The following TBC1D2 variants were observed in gnomAD, a reference collection of about 807,000 sequenced individuals.
The protein encoded by TBC1D2 is TBC1 domain family member 2A.
TBC1D2 carries 58 observed loss-of-function variants against 91.1 expected under a neutral mutation model. The observed-to-expected ratio is 0.64, with a 90% confidence interval of 0.52 to 0.79. TBC1D2 has a LOEUF of 0.79. Among genes scored for constraint, TBC1D2 ranks in the 30% least tolerant of loss-of-function variants. The pLI, the probability that TBC1D2 is intolerant of heterozygous loss-of-function variation, is 0.00. For synonymous variants in TBC1D2, 482 were observed against 511.5 expected, an observed-to-expected ratio of 0.94 and a Z score of 0.78; for missense variants, 1,080 against 1,208.3, an observed-to-expected ratio of 0.89 and a Z score of 1.57.
chr9:98,203,088 C>T (rs978277044), intron 10 of TBC1D2, among the ~76,000 whole-genome samples, 200 bp downstream of exon 10: 2 of 152,276 alleles, frequency 1.3e-5, no homozygotes, highest in African/African-American at 2.4e-5. Context: ...TTGTCATTCA[C>T]TATCTGAGAA....
chr9:98,251,257 C>T (rs1263909542), intron 2 of TBC1D2, among the ~76,000 whole-genome samples: 1 of 151,912 alleles, frequency 6.6e-6, no homozygotes, highest in African/African-American at 2.4e-5. Flanking sequence ...CACCATTGCA[C>T]TCCAGCCTGG....
chr9:98,247,503 T>C (rs1441379358), intron 2 of TBC1D2, among the ~76,000 whole-genome samples: 5 of 151,860 alleles, frequency 3.3e-5, no homozygotes, highest in Non-Finnish European at 7.4e-5. Flanking sequence ...CGGAGGTGGG[T>C]GGAGCACGAG....
At chr9:98,229,799 C>T (rs1396104129) in intron 4 of TBC1D2, among the ~76,000 whole-genome samples, 4 of 152,198 alleles carry the variant, frequency 2.6e-5, no homozygotes, top group Admixed American at 2.6e-4. Flanking sequence ...CAGCCCACAG[C>T]CTGCTTTTAC....
chr9:98,244,203 G>A, intron 2 of TBC1D2, 74 bp from the exon 3 acceptor site: 9 of 1,575,260 alleles, frequency 5.7e-6, no homozygotes, highest in Non-Finnish European at 7.8e-6. Flanking sequence ...GGGATGCTAT[G>A]GGTGCAGCCC....
intron 8 of TBC1D2, among the ~76,000 whole-genome samples, chr9:98,210,218 C>G (rs1010814397): frequency 6.6e-6 from 1 of 152,174 alleles, no homozygotes; most frequent in Non-Finnish European, 1.5e-5. Context: ...CTCCAAAGCT[C>G]GAGCTCCTGC....
intron 3 of TBC1D2, among the ~76,000 whole-genome samples, chr9:98,238,640 G>A (rs773350964): frequency 7.3e-6 from 1 of 137,372 alleles, no homozygotes; most frequent in Non-Finnish European, 1.5e-5. Context: ...ATTTTAAGGG[G>A]AAAATATTCA....
At chr9:98,208,354 T>TG (rs575028267) in intron 9 of TBC1D2, among the ~76,000 whole-genome samples, 72 of 152,176 alleles carry the variant, frequency 4.7e-4, no homozygotes, top group African/African-American at 1.7e-3. Context: ...TTCCATGGAC[T>TG]GGGGTAGGGG....
intron 5 of TBC1D2, among the ~76,000 whole-genome samples, chr9:98,227,286 T>C (rs1386846580): frequency 6.6e-6 from 1 of 152,308 alleles, no homozygotes; most frequent in African/African-American, 2.4e-5. Flanking sequence ...AAATGCAAGC[T>C]GTAAGGGCAG....
intron 3 of TBC1D2, among the ~76,000 whole-genome samples, chr9:98,239,394 G>C (rs1829584048): frequency 1.3e-5 from 2 of 152,192 alleles, no homozygotes; most frequent in Admixed American, 6.5e-5. Flanking sequence ...AAGAGATGTT[G>C]AATATTGTCA....
At chr9:98,217,138 C>T (rs3739663) in intron 6 of TBC1D2, among the ~76,000 whole-genome samples, 2 of 152,316 alleles carry the variant, frequency 1.3e-5, no homozygotes, top group East Asian at 3.9e-4. Context: ...TGGGTGGCGT[C>T]GGGCAGTACC....
At chr9:98,211,173 T>C (rs531701678) in intron 7 of TBC1D2, among the ~76,000 whole-genome samples, 1 of 152,360 alleles carries the variant, frequency 6.6e-6, no homozygotes, top group African/African-American at 2.4e-5. Flanking sequence ...TTACTTAACC[T>C]TTCTGTGCCT....
At chr9:98,201,279 G>T (rs1828490544) in intron 11 of TBC1D2, among the ~76,000 whole-genome samples, 200 bp downstream of exon 11, 1 of 152,188 alleles carries the variant, frequency 6.6e-6, no homozygotes, top group South Asian at 2.1e-4. Context: ...TCCACGGAAA[G>T]GAAATCCCCC....
chr9:98,234,631 C>T (rs1244394443), intron 3 of TBC1D2: 1 of 152,178 alleles, frequency 6.6e-6, no homozygotes, highest in Non-Finnish European at 1.5e-5. Flanking sequence ...GTGGTCCAGA[C>T]CAAGGCTGGC....
intron 4 of TBC1D2, 119 bp from the exon 5 acceptor site, chr9:98,229,267 C>T (rs777032203): frequency 7.7e-6 from 7 of 907,152 alleles, no homozygotes; most frequent in South Asian, 3.4e-5. Context: ...GCCCTAATTT[C>T]GGAGCTCTGG....
Position 98,237,626 on chromosome 9 carries a change from C to A in TBC1D2, c.648-4077G>T, listed in dbSNP as rs893672251. Among the ~76,000 whole-genome samples the A allele has an allele frequency of 6.6e-5, 10 of 151,638 alleles. 1 individual carries two copies. Among genetic ancestry groups the A allele is most frequent in the African/African-American group, 2.2e-4 (9 of 41,394 alleles). Reference sequence around the variant, plus strand: ...GATTCAAGCGATTCTCCTGCCTCAGCCTCCTGAGTAGCTGGGATTACAGGC... The same window carrying A: ...GATTCAAGCGATTCTCCTGCCTCAGACTCCTGAGTAGCTGGGATTACAGGC... On this transcript the variant is annotated intron_variant, in intron 3 of 12. Coordinates refer to ENST00000465784, the MANE Select transcript of TBC1D2 (RefSeq NM_001267571.2).
intron 3 of TBC1D2, chr9:98,234,986 A>T (rs998799747): frequency 3.0e-5 from 5 of 164,124 alleles, no homozygotes; most frequent in African/African-American, 1.2e-4. Context: ...TGGGTGGCTC[A>T]CGAGGTCAGG....
rs574202141 is a variant in TBC1D2 at position 98,210,792 on chromosome 9, C to T, written c.1537G>A (p.Gly513Ser). The T allele has an allele frequency of 2.3e-5, 35 of 1,554,662 alleles. No homozygotes were observed. The highest frequency in any genetic ancestry group is 4.9e-5 in the East Asian group (2 of 41,062). ...AGGGCCTCCTGCAGCCTTCTCAGACCGGCCAGGTACTTGCTTTCCACCTGG... is the reference window on the plus strand; with the variant it reads ...AGGGCCTCCTGCAGCCTTCTCAGACTGGCCAGGTACTTGCTTTCCACCTGG... ...NCQVESKYLA[G>S]LRRLQEALGD... The change falls in exon 8 of 13, where the codon GGT becomes AGT. Residue 513 changes from glycine (G) to serine (S), a missense_variant. Coordinates refer to ENST00000465784, the MANE Select transcript of TBC1D2 (RefSeq NM_001267571.2).
At chr9:98,242,485 C>T (rs556367196) in intron 3 of TBC1D2, among the ~76,000 whole-genome samples, 26 of 149,842 alleles carry the variant, frequency 1.7e-4, no homozygotes, top group Admixed American at 7.3e-4. Context: ...AGAAAAGAAA[C>T]GCCCAAACAG....
intron 6 of TBC1D2, among the ~76,000 whole-genome samples, chr9:98,216,000 C>CAAA (rs1455196140): frequency 6.6e-6 from 1 of 152,220 alleles, no homozygotes; most frequent in Non-Finnish European, 1.5e-5. Context: ...AACAACACAT[C>CAAA]AAAGACGCTG....
Sources: allele counts gnomAD v4.1 joint callset (sites outside exome capture counted in the v4.1 genomes callset), GRCh38; gene constraint gnomAD v4.1.1; transcripts MANE v1.5; gene names NCBI Gene and HGNC (gene_info 2026-07-23, HGNC 2026-07-21).